FAM131C: variants seen among roughly 807,000 people sequenced by gnomAD.
The protein encoded by FAM131C is protein FAM131C.
In FAM131C, 14 loss-of-function variants were observed where a neutral mutation model predicts 29.8. The observed-to-expected ratio is 0.47, with a 90% confidence interval of 0.31 to 0.73. The LOEUF (loss-of-function observed/expected upper bound fraction) is 0.73, where lower values mean the gene tolerates loss of function less well. FAM131C is among the 30% of genes least tolerant of loss of function. The pLI, the probability that FAM131C is intolerant of heterozygous loss-of-function variation, is 0.05. For missense variants in FAM131C, 252 were observed against 383.8 expected (o/e 0.66, Z 2.87); for synonymous variants, 86 against 157.8 (o/e 0.54, Z 3.41).
Position 16,058,287 on chromosome 1 carries a change from G to T in FAM131C, c.*150C>A. ...CCGAGGCACAGAGAGGCCACCATGA[G>T]CACTGGCCCCATCCCTGCCGCACCT... On this transcript the variant is annotated 3_prime_UTR_variant, in exon 7 of 7. Coordinates refer to ENST00000375662, the MANE Select transcript of FAM131C (RefSeq NM_182623.3). 1.5e-6 allele frequency: 1 copy of T among 685,268 alleles called. No individual in the cohort carries two copies. Among genetic ancestry groups the T allele is most frequent in the Non-Finnish European group, 2.2e-6 (1 of 446,190 alleles). 42.4% of individuals were successfully genotyped at this position (685,268 alleles called of 1,614,324 possible). A position where few individuals can be genotyped will look rare whatever the true frequency, so the allele number is the denominator to read the frequency against.
In FAM131C at chr1:16,059,320, G is replaced by C. The variant is rs2019456; in HGVS notation, c.562+174C>G. The stretch of plus-strand genomic sequence containing the variant: ...GCTCACTCTCTCCTTCCTGCTCCTG[G>C]CACTGCCGGGCAATGGGCAAGGCAA... On this transcript the variant is annotated intron_variant, in intron 6 of 6. Coordinates refer to ENST00000375662, the MANE Select transcript of FAM131C (RefSeq NM_182623.3). Among the ~76,000 whole-genome samples the C allele has an allele frequency of 4.6e-3, 694 of 150,182 alleles. 1 individual carries two copies. Among genetic ancestry groups the C allele is most frequent in the South Asian group, 0.015 (68 of 4,660 alleles).
intron 4 of FAM131C, among the ~76,000 whole-genome samples, chr1:16,061,365 G>A (rs1286939835): frequency 6.6e-6 from 1 of 152,112 alleles, no homozygotes; most frequent in African/African-American, 2.4e-5. Context: ...GAGCTGGGTG[G>A]GATTTAGTGC....
chr1:16,059,830 A>G, intron 5 of FAM131C, 39 bp downstream of exon 5: 2 of 1,591,478 alleles, frequency 1.3e-6, no homozygotes, highest in Middle Eastern at 2.3e-4. Context: ...ACCCAGCTTC[A>G]CCCCCACAGA....
At chr1:16,059,004 G>A (rs1323614179) in intron 6 of FAM131C, among the ~76,000 whole-genome samples, 1 of 152,072 alleles carries the variant, frequency 6.6e-6, no homozygotes, top group Admixed American at 6.6e-5. Context: ...CCCTCTTGGG[G>A]CAGGAGGACT....
chr1:16,062,381 C>CCG, intron 3 of FAM131C, 118 bp downstream of exon 3: 1 of 27,938 alleles, frequency 3.6e-5, no homozygotes, highest in Non-Finnish European at 4.7e-5. Context: ...TTTCATCAGG[C>CCG]CCCCCCCCCC....
At chr1:16,066,237 A>C (rs2023681026) in intron 1 of FAM131C, among the ~76,000 whole-genome samples, 1 of 152,158 alleles carries the variant, frequency 6.6e-6, no homozygotes, top group Non-Finnish European at 1.5e-5. Context: ...TGCAGAAGAG[A>C]CCGTAGGTTT....
chr1:16,064,832 A>C (rs56742491), intron 1 of FAM131C, among the ~76,000 whole-genome samples: 8,222 of 152,242 alleles, frequency 0.054, 328 homozygotes, highest in African/African-American at 0.11. Context: ...CTGCCAGGAA[A>C]ATCCGTGGGG....
intron 1 of FAM131C, among the ~76,000 whole-genome samples, chr1:16,070,592 GA>G: frequency 6.6e-6 from 1 of 152,156 alleles, no homozygotes; most frequent in South Asian, 2.1e-4. Context: ...AGGAGTTCGA[GA>G]TAAGCCTGGG....
At position 16,065,475 on chromosome 1, in the gene FAM131C, G is replaced by T. The variant is rs973880229; in HGVS notation, c.23-1839C>A. On this transcript the variant is annotated intron_variant, in intron 1 of 6. Transcript: ENST00000375662. ...CCAGATTGTGTCACTGGGGTTAGGGGACCATGTGGGTGCTGCCCCCAATTC... is the reference window on the plus strand; with the variant it reads ...CCAGATTGTGTCACTGGGGTTAGGGTACCATGTGGGTGCTGCCCCCAATTC... 2.0e-5 allele frequency among the ~76,000 whole-genome samples: 3 copies of T among 152,342 alleles called. No individual in the cohort carries two copies. The South Asian group carries it at 6.2e-4, about 32-fold the overall frequency.
At chr1:16,068,407 C>T (rs1261757736) in intron 1 of FAM131C, among the ~76,000 whole-genome samples, 1 of 152,232 alleles carries the variant, frequency 6.6e-6, no homozygotes, top group African/African-American at 2.4e-5. Context: ...CCACCCCTCT[C>T]CCCTCAGTGT....
At chr1:16,062,059 T>G in intron 4 of FAM131C, 40 bp downstream of exon 4, 14 of 1,599,054 alleles carry the variant, frequency 8.8e-6, no homozygotes, top group Non-Finnish European at 1.2e-5. Flanking sequence ...GGTGGGACCG[T>G]GCATTCTCCA....
chr1:16,061,410 C>G (rs2023590978), intron 4 of FAM131C, among the ~76,000 whole-genome samples: 2 of 152,122 alleles, frequency 1.3e-5, no homozygotes, highest in South Asian at 4.1e-4. Flanking sequence ...CCACCGAAAC[C>G]TGCTCTACAG....
Position 16,062,449 on chromosome 1 carries a change from C to T in FAM131C, c.174+50G>A, listed in dbSNP as rs60570545. 1.4e-5 allele frequency: 21 copies of T among 1,477,654 alleles called. No homozygotes were observed. In the Admixed American group the frequency reaches 2.5e-4, roughly 18 times the overall value. 91.5% of individuals were successfully genotyped at this position (1,477,654 alleles called of 1,614,324 possible). A position where few individuals can be genotyped will look rare whatever the true frequency, so the allele number is the denominator to read the frequency against. ...GGCTGGGCACAAAGGATGGAGGGGC[C>T]GTGGTGTCAGCTGGGGCCGGCTAGA... On this transcript the variant is annotated intron_variant, in intron 3 of 6. Coordinates refer to ENST00000375662, the MANE Select transcript of FAM131C (RefSeq NM_182623.3).
intron 1 of FAM131C, among the ~76,000 whole-genome samples, chr1:16,064,318 T>C (rs1414499): frequency 0.45 from 68,445 of 151,880 alleles, 16,075 homozygotes; most frequent in Admixed American, 0.49. Flanking sequence ...AGGTGTCACC[T>C]GGATCTTTCC....
At chr1:16,063,740 T>A (rs968434716) in intron 1 of FAM131C, 104 bp from the exon 2 acceptor site, 2 of 683,182 alleles carry the variant, frequency 2.9e-6, no homozygotes, top group Non-Finnish European at 2.4e-6. Flanking sequence ...CTTGTTTTTA[T>A]CCAACAACAT....
At chr1:16,065,707 C>G (rs1024680490) in intron 1 of FAM131C, among the ~76,000 whole-genome samples, 3 of 152,172 alleles carry the variant, frequency 2.0e-5, no homozygotes, top group Non-Finnish European at 4.4e-5. Flanking sequence ...TCCGGAGTAC[C>G]CTGCAGGACC....
chr1:16,068,530 G>C (rs2124134468), intron 1 of FAM131C, among the ~76,000 whole-genome samples: 1 of 152,332 alleles, frequency 6.6e-6, no homozygotes, highest in East Asian at 1.9e-4. Context: ...GTGAGTCCTT[G>C]GCCGCTCTGC....
intron 1 of FAM131C, among the ~76,000 whole-genome samples, chr1:16,072,608 T>C (rs2023764298): frequency 6.6e-6 from 1 of 151,878 alleles, no homozygotes; most frequent in African/African-American, 2.4e-5. Context: ...CTGGTGGTGA[T>C]GGGTGGGGGT....
chr1:16,063,380 G>A (rs2023631317), intron 2 of FAM131C, 141 bp downstream of exon 2: 1 of 658,386 alleles, frequency 1.5e-6, no homozygotes, highest in Admixed American at 2.2e-5. Context: ...TGAATACCAG[G>A]CCTTAGGGCC....
Sources: gnomAD v4.1 joint callset for allele counts (sites outside exome capture counted in the v4.1 genomes callset) on GRCh38, gnomAD v4.1.1 for gene constraint, MANE v1.5 for transcripts, NCBI Gene and HGNC (gene_info 2026-07-23, HGNC 2026-07-21) for gene names.